Variants in ARMC3 observed in about 807,000 individuals in gnomAD.
ARMC3 encodes armadillo repeat-containing protein 3.
In ARMC3, 74 loss-of-function variants were observed where a neutral mutation model predicts 90.3. The observed-to-expected ratio is 0.82, with a 90% CI of 0.68 to 0.99. The LOEUF (loss-of-function observed/expected upper bound fraction) is 0.99, where lower values mean the gene tolerates loss of function less well. ARMC3 is among the 50% of genes least tolerant of loss of function. ARMC3 has a pLI of 0.00. For synonymous variants in ARMC3, 334 were observed against 361.8 expected (o/e 0.92, Z 0.87); for missense variants, 958 against 1,042.8 (o/e 0.92, Z 1.12).
intron 1 of ARMC3, among the ~76,000 whole-genome samples, chr10:22,928,581 T>G (rs1833804267): frequency 6.6e-6 from 1 of 152,170 alleles, no homozygotes; most frequent in Non-Finnish European, 1.5e-5. Flanking sequence ...GCATATCCAA[T>G]GCCCTGAAGT....
intron 2 of ARMC3, among the ~76,000 whole-genome samples, chr10:22,936,282 C>T: frequency 6.6e-6 from 1 of 152,176 alleles, no homozygotes; most frequent in East Asian, 1.9e-4. Context: ...AATAGCAAGA[C>T]TTTGTCGCTA....
Position 23,001,958 on chromosome 10 carries a change from C to G in ARMC3, c.1465C>G (p.Leu489Val), listed in dbSNP as rs1193330930. ...SGGLEPLVEL[L>V]RSKNDEVRKH... ...TGGATTGGAGCCCCTGGTAGAGCTG[C>G]TACGCTCCAAGAATGATGAAGTGAG... The change falls in exon 12 of 19, where the codon CTA becomes GTA. Residue 489 changes from leucine to valine, a missense_variant. Physicochemically the swap from Leu to Val is conservative, Grantham distance 32 (BLOSUM62 1). Transcript: ENST00000298032. 1 of 1,613,878 alleles carries G rather than the reference C, an allele frequency of 6.2e-7. No individual in the cohort carries two copies. The highest frequency in any genetic ancestry group is 1.7e-5 in the Admixed American group (1 of 60,006).
At chr10:22,952,200 G>A (rs1252537554) in intron 3 of ARMC3, among the ~76,000 whole-genome samples, 1 of 151,948 alleles carries the variant, frequency 6.6e-6, no homozygotes, top group Non-Finnish European at 1.5e-5. Context: ...AGATATCTCA[G>A]TATAAATCAA....
At chr10:23,036,021 A>T (rs192008057) in intron 18 of ARMC3, among the ~76,000 whole-genome samples, 2 of 152,322 alleles carry the variant, frequency 1.3e-5, no homozygotes, top group African/African-American at 4.8e-5. Flanking sequence ...ACTTTCCGTC[A>T]CCACATACCA....
At chr10:22,963,918 CACACAAAAAAAAAAA>C (rs1306124255) in intron 7 of ARMC3, among the ~76,000 whole-genome samples, 2 of 51,762 alleles carry the variant, frequency 3.9e-5, no homozygotes, top group Non-Finnish European at 7.1e-5. Flanking sequence ...CACACACACA[CACACAAAAAAAAAAA>C]AAAAAAAAAA....
In ARMC3 at chr10:22,961,944, T is replaced by C. The variant is rs985112609; in HGVS notation, c.598T>C (p.Leu200=). Residue 200 remains leucine, a synonymous_variant, in exon 7 of 19, where the codon TTG becomes CTG. Transcript: ENST00000298032. ...TGCAATACCTCCTATCTTAGATCTC[T>C]TGAAGTCAGAATATCCAGTGATTCA... The part of the protein sequence containing the change: ...LNAIPPILDL[L]KSEYPVIQLL... 3.1e-6 allele frequency: 5 copies of C among 1,612,390 alleles called. No individual in the cohort carries two copies. The Admixed American group carries it at 6.7e-5, about 22-fold the overall frequency.
chr10:23,009,140 T>A (rs4747451), intron 16 of ARMC3, among the ~76,000 whole-genome samples: 2 of 152,222 alleles, frequency 1.3e-5, no homozygotes, highest in Non-Finnish European at 2.9e-5. Flanking sequence ...CCAAAAACTC[T>A]GGTCACTTGG....
chr10:23,002,687 G>C (rs572611555), intron 12 of ARMC3, among the ~76,000 whole-genome samples: 1 of 150,442 alleles, frequency 6.6e-6, no homozygotes, highest in South Asian at 2.1e-4. Context: ...TGCAACCTCT[G>C]CCCCCTGGGT....
intron 16 of ARMC3, among the ~76,000 whole-genome samples, chr10:23,027,248 C>T (rs1484292079): frequency 6.6e-6 from 1 of 152,114 alleles, no homozygotes; most frequent in African/African-American, 2.4e-5. Context: ...TCTTCAAATC[C>T]ATGAACACAA....
rs369784765 is a variant in ARMC3 at position 22,997,295 on chromosome 10, G to C, written c.1176-853G>C. 2.0e-5 allele frequency: 3 copies of C among 152,208 alleles called. No homozygotes were observed. The East Asian group carries it at 5.8e-4, about 29-fold the overall frequency. 9.4% of individuals were successfully genotyped at this position (152,208 alleles called of 1,614,324 possible). ...ACCCTGGCTTCATCTTGGAAGCTAA[G>C]CAGGGTGGGGACTGGCTAGAACTTG... On this transcript the variant is annotated intron_variant, in intron 10 of 18. Transcript: ENST00000298032.
intron 11 of ARMC3, among the ~76,000 whole-genome samples, chr10:22,998,984 G>A (rs916403234): frequency 6.6e-6 from 1 of 152,218 alleles, no homozygotes; most frequent in African/African-American, 2.4e-5. Context: ...CAAGAAAGCG[G>A]TTGCTTCTGT....
At chr10:23,010,635 C>A (rs1264993932) in intron 16 of ARMC3, among the ~76,000 whole-genome samples, 1 of 134,564 alleles carries the variant, frequency 7.4e-6, no homozygotes, top group African/African-American at 2.8e-5. Flanking sequence ...CTACCATCTT[C>A]TCTCTCCTTC....
At chr10:22,958,622 C>T (rs1471086713) in intron 4 of ARMC3, among the ~76,000 whole-genome samples, 1 of 152,142 alleles carries the variant, frequency 6.6e-6, no homozygotes, top group East Asian at 1.9e-4. Context: ...AAACCTGCCC[C>T]ACCACTTGCT....
At chr10:22,941,421 A>G (rs1828678239) in intron 2 of ARMC3, among the ~76,000 whole-genome samples, 1 of 152,186 alleles carries the variant, frequency 6.6e-6, no homozygotes, top group Non-Finnish European at 1.5e-5. Context: ...GGAAGAATTT[A>G]GTTGACAGGG....
At chr10:22,961,801 C>A in intron 6 of ARMC3, 83 bp from the exon 7 acceptor site, 1 of 1,170,812 alleles carries the variant, frequency 8.5e-7, no homozygotes, top group African/African-American at 1.6e-5. Flanking sequence ...AACTTATGTT[C>A]TTGTGTTAGA....
intron 18 of ARMC3, 146 bp from the exon 19 acceptor site, chr10:23,037,124 T>C (rs1839151966): frequency 1.5e-6 from 1 of 670,546 alleles, no homozygotes; most frequent in South Asian, 2.9e-5. Flanking sequence ...CCTATACCAA[T>C]AGTCCACATC....
At chr10:23,020,367 T>C (rs1838462680) in intron 16 of ARMC3, among the ~76,000 whole-genome samples, 1 of 152,222 alleles carries the variant, frequency 6.6e-6, no homozygotes, top group Non-Finnish European at 1.5e-5. Flanking sequence ...ACTCCTGACC[T>C]CAAGTGATCC....
In ARMC3 at chr10:23,001,972, T is replaced by A; in HGVS notation, c.1479T>A (p.Asn493Lys). Residue 493 changes from asparagine to lysine, a missense_variant, in exon 12 of 19, where the codon AAT (asparagine) becomes AAA (lysine). Physicochemically the swap from Asn to Lys is moderately conservative, Grantham distance 94. Coordinates refer to ENST00000298032, the MANE Select transcript of ARMC3 (RefSeq NM_173081.5). ...TGGTAGAGCTGCTACGCTCCAAGAA[T>A]GATGAAGTGAGGAAGCACGCCAGTT... Reference protein sequence around the residue: ...EPLVELLRSKNDEVRKHASWA... With the variant: ...EPLVELLRSKKDEVRKHASWA... The A allele has an allele frequency of 6.2e-7, 1 of 1,613,924 alleles. No individual in the cohort carries two copies. Among genetic ancestry groups the A allele is most frequent in the Non-Finnish European group, 8.5e-7 (1 of 1,179,848 alleles).
At chr10:23,010,438 C>T (rs111217979) in intron 16 of ARMC3, among the ~76,000 whole-genome samples, 10 of 13,326 alleles carry the variant, frequency 7.5e-4, no homozygotes, top group Non-Finnish European at 1.4e-3. Flanking sequence ...TCCCTTCCCT[C>T]CCCTCTCCTT....
Sources: gnomAD v4.1 joint callset for allele counts (sites outside exome capture counted in the v4.1 genomes callset) on GRCh38, gnomAD v4.1.1 for gene constraint, MANE v1.5 for transcripts, NCBI Gene and HGNC (gene_info 2026-07-23, HGNC 2026-07-21) for gene names.